ENTREP2: variants seen among roughly 807,000 people sequenced by gnomAD.
ENTREP2 encodes the protein protein ENTREP2.
the ENTREP2 span, among the ~76,000 whole-genome samples, chr15:29,471,587 G>A: frequency 1.3e-5 from 2 of 152,148 alleles, no homozygotes; most frequent in Non-Finnish European, 2.9e-5. Context: ...CCAAGCAAAT[G>A]CTCACCAGAG....
chr15:29,667,639 G>A, the ENTREP2 span, among the ~76,000 whole-genome samples: 4 of 151,588 alleles, frequency 2.6e-5, no homozygotes, highest in East Asian at 1.9e-4. Context: ...GATTACAGGC[G>A]CCTGCCACCA....
At chr15:29,437,230 C>A in the ENTREP2 span, among the ~76,000 whole-genome samples, 56 of 152,186 alleles carry the variant, frequency 3.7e-4, no homozygotes, top group Non-Finnish European at 7.2e-4. Context: ...CTAAAGTCTA[C>A]AATGGACTAT....
At chr15:29,441,066 G>C in the ENTREP2 span, among the ~76,000 whole-genome samples, 4 of 152,322 alleles carry the variant, frequency 2.6e-5, no homozygotes, top group African/African-American at 9.6e-5. Context: ...GGCAAACCAA[G>C]TGTCCATCCA....
the ENTREP2 span, chr15:29,124,556 A>C: frequency 7.3e-6 from 5 of 688,670 alleles, no homozygotes; most frequent in South Asian, 9.2e-5. Flanking sequence ...AAAGCCAGAC[A>C]GTGGGCAGCC....
chr15:29,600,392 G>C, the ENTREP2 span, among the ~76,000 whole-genome samples: 4 of 151,740 alleles, frequency 2.6e-5, no homozygotes, highest in Non-Finnish European at 5.9e-5. Context: ...TCTTTCACTG[G>C]GTCTATCCAA....
At chr15:29,632,620 A>T in the ENTREP2 span, among the ~76,000 whole-genome samples, 2 of 150,808 alleles carry the variant, frequency 1.3e-5, no homozygotes, top group Non-Finnish European at 2.9e-5. Context: ...TGTTTCTACT[A>T]AAAAAAATGC....
the ENTREP2 span, among the ~76,000 whole-genome samples, chr15:29,345,582 C>A: frequency 1.3e-5 from 2 of 152,136 alleles, no homozygotes; most frequent in Non-Finnish European, 2.9e-5. Flanking sequence ...GCCCCGCATG[C>A]CCTCTTCAGG....
the ENTREP2 span, among the ~76,000 whole-genome samples, chr15:29,356,294 ATATTTTTTTT>A: frequency 1.2e-3 from 56 of 48,600 alleles, no homozygotes; most frequent in Admixed American, 1.2e-3. Context: ...ATATATATAT[ATATTTTTTTT>A]TTTTTTTTTT....
the ENTREP2 span, among the ~76,000 whole-genome samples, chr15:29,351,794 C>T: frequency 3.2e-4 from 49 of 151,428 alleles, no homozygotes; most frequent in Non-Finnish European, 6.2e-4. Flanking sequence ...CAGGCACATG[C>T]CACCACACAC....
At chr15:29,548,902 T>G in the ENTREP2 span, among the ~76,000 whole-genome samples, 1 of 152,188 alleles carries the variant, frequency 6.6e-6, no homozygotes, top group Non-Finnish European at 1.5e-5. Context: ...AAATTTGGGC[T>G]GAGGAGGTGC....
the ENTREP2 span, among the ~76,000 whole-genome samples, chr15:29,212,423 G>C: frequency 6.6e-6 from 1 of 152,068 alleles, no homozygotes; most frequent in Non-Finnish European, 1.5e-5. Context: ...TCTTTTCAAA[G>C]AACCGGCTTT....
chr15:29,613,103 C>G, the ENTREP2 span, among the ~76,000 whole-genome samples: 1 of 152,282 alleles, frequency 6.6e-6, no homozygotes, highest in African/African-American at 2.4e-5. Flanking sequence ...CTTTGCAGAC[C>G]ACCCTTTTCA....
chr15:29,354,242 C>T, the ENTREP2 span, among the ~76,000 whole-genome samples: 1 of 152,186 alleles, frequency 6.6e-6, no homozygotes, highest in East Asian at 1.9e-4. Context: ...GGACTTAACA[C>T]CAGCAGCTCC....
the ENTREP2 span, among the ~76,000 whole-genome samples, chr15:29,525,960 T>C: frequency 6.6e-6 from 1 of 152,222 alleles, no homozygotes; most frequent in East Asian, 1.9e-4. Context: ...AAGTAATTTC[T>C]TCAACTTCAA....
At chr15:29,613,868 C>T in the ENTREP2 span, 1 of 168,466 alleles carries the variant, frequency 5.9e-6, no homozygotes. Context: ...CTGTATAGGG[C>T]TCTCACCATG....
the ENTREP2 span, among the ~76,000 whole-genome samples, chr15:29,409,133 T>G: frequency 6.6e-6 from 1 of 152,236 alleles, no homozygotes; most frequent in East Asian, 1.9e-4. Context: ...GTTGTAATTT[T>G]GTTAAGTAGC....
the ENTREP2 span, among the ~76,000 whole-genome samples, chr15:29,183,856 C>T: frequency 1.5e-4 from 23 of 151,984 alleles, no homozygotes; most frequent in Non-Finnish European, 1.2e-4. Flanking sequence ...GGGTCTGCAA[C>T]AATGTATGAT....
chr15:29,557,582 G>A, the ENTREP2 span, among the ~76,000 whole-genome samples: 7 of 152,258 alleles, frequency 4.6e-5, no homozygotes, highest in East Asian at 1.9e-4. Context: ...GGTCCCCATC[G>A]GAGACACGGG....
the ENTREP2 span, among the ~76,000 whole-genome samples, chr15:29,644,639 C>T: frequency 1.3e-5 from 2 of 151,736 alleles, no homozygotes; most frequent in African/African-American, 4.8e-5. Context: ...CCCGTCTCTA[C>T]TAACATACAA....
Sources: allele counts gnomAD v4.1 joint callset (sites outside exome capture counted in the v4.1 genomes callset), GRCh38; gene constraint gnomAD v4.1.1; transcripts MANE v1.5; gene names NCBI Gene and HGNC (gene_info 2026-07-23, HGNC 2026-07-21).